The following DENND2C variants were observed in gnomAD, a reference collection of about 807,000 sequenced individuals.
DENND2C encodes the protein DENN domain-containing protein 2C.
DENND2C carries 72 observed loss-of-function variants against 112.4 expected under a neutral mutation model. The ratio of observed to expected loss-of-function variants is 0.64; its 90% confidence interval spans 0.53 to 0.78. DENND2C has a LOEUF of 0.78. DENND2C is among the 30% of genes least tolerant of loss of function. DENND2C has a pLI of 0.00. For missense variants in DENND2C, 992 were observed against 1,113.8 expected, an observed-to-expected ratio of 0.89 and a Z score of 1.56; for synonymous variants, 329 against 381.6, an observed-to-expected ratio of 0.86 and a Z score of 1.61.
intron 1 of DENND2C, among the ~76,000 whole-genome samples, chr1:114,666,205 C>G (rs1376991586): frequency 6.6e-6 from 1 of 152,148 alleles, no homozygotes; most frequent in Non-Finnish European, 1.5e-5. Context: ...TACTATTTTC[C>G]TACTCCAGGC....
At chr1:114,621,824 A>G in intron 7 of DENND2C, 71 bp downstream of exon 7, 1 of 1,529,052 alleles carries the variant, frequency 6.5e-7, no homozygotes, top group Non-Finnish European at 8.8e-7. Context: ...ATTTCGGTCT[A>G]AAGTTTACTT....
intron 1 of DENND2C, among the ~76,000 whole-genome samples, chr1:114,664,815 G>A (rs559204943): frequency 4.6e-5 from 7 of 151,242 alleles, no homozygotes; most frequent in African/African-American, 9.7e-5. Context: ...GGGTCAGGCC[G>A]GGTGTGGTGG....
chr1:114,592,185 C>T lies in DENND2C; in HGVS notation c.2431+2288G>A, dbSNP rs111485904. On this transcript the variant is annotated intron_variant, in intron 18 of 20. Transcript: ENST00000393274. ...TAGATGTGAGCCACCGTGCCCGGCC[C>T]TAGTATCATTTATTAAATGGTCCAT... is the stretch of plus-strand genomic sequence containing the variant. Among the ~76,000 whole-genome samples, 694 of 152,022 alleles carry T rather than the reference C, an allele frequency of 4.6e-3. 3 individuals are homozygous for T. The highest frequency in any genetic ancestry group is 0.014 in the Middle Eastern group (4 of 294).
At chr1:114,600,591 A>G (rs1205482660) in intron 14 of DENND2C, among the ~76,000 whole-genome samples, 1 of 152,200 alleles carries the variant, frequency 6.6e-6, no homozygotes, top group Non-Finnish European at 1.5e-5. Context: ...TGAAATTGTC[A>G]TTACAAAGGG....
intron 1 of DENND2C, among the ~76,000 whole-genome samples, chr1:114,663,559 G>T (rs935317318): frequency 1.3e-5 from 2 of 152,066 alleles, no homozygotes; most frequent in Non-Finnish European, 2.9e-5. Context: ...TCTAAACCAA[G>T]CTTACGAATT....
chr1:114,591,923 C>T (rs1481549688), intron 18 of DENND2C, among the ~76,000 whole-genome samples: 1 of 151,452 alleles, frequency 6.6e-6, no homozygotes, highest in Non-Finnish European at 1.5e-5. Flanking sequence ...CTTACTCTCT[C>T]ACCCAGGCAG....
intron 8 of DENND2C, among the ~76,000 whole-genome samples, 184 bp from the exon 9 acceptor site, chr1:114,611,301 A>C (rs553301994): frequency 6.6e-6 from 1 of 152,312 alleles, no homozygotes; most frequent in East Asian, 1.9e-4. Context: ...AAAAAGCTCA[A>C]AGAGGAAACT....
At chr1:114,609,687 T>C (rs949373900) in intron 9 of DENND2C, among the ~76,000 whole-genome samples, 1 of 152,220 alleles carries the variant, frequency 6.6e-6, no homozygotes, top group Non-Finnish European at 1.5e-5. Context: ...GATTTGCTTA[T>C]GTATAATTCC....
At chr1:114,655,883 A>ACATATATAT (rs1557960847) in intron 1 of DENND2C, among the ~76,000 whole-genome samples, 5 of 125,890 alleles carry the variant, frequency 4.0e-5, no homozygotes, top group African/African-American at 1.3e-4. Context: ...TATATGTATA[A>ACATATATAT]ATATATATAT....
At chr1:114,604,795 T>A in intron 11 of DENND2C, 127 bp downstream of exon 11, 1 of 668,324 alleles carries the variant, frequency 1.5e-6, no homozygotes, top group Admixed American at 2.9e-5. Flanking sequence ...CTTCCTTTCC[T>A]CCTACCACAT....
At position 114,642,018 on chromosome 1, in the gene DENND2C, T is replaced by C. The variant is rs1025215524; in HGVS notation, c.-205+3430A>G. Among the ~76,000 whole-genome samples the C allele has an allele frequency of 3.0e-4, 45 of 152,128 alleles. 2 individuals are homozygous for C. On this transcript the variant is annotated intron_variant, in intron 3 of 20. Transcript: ENST00000393274. ...CCTTGGCTGGAGTGAAGTGGCACAA[T>C]CTCAGCACACTGCAACCTCTGCCTC...
chr1:114,668,107 C>A (rs948632419), intron 1 of DENND2C, among the ~76,000 whole-genome samples: 1 of 152,164 alleles, frequency 6.6e-6, no homozygotes, highest in African/African-American at 2.4e-5. Context: ...TAAATATAAT[C>A]TTGTGCCTAT....
At chr1:114,589,904 ATTC>A (rs1225426724) in intron 18 of DENND2C, among the ~76,000 whole-genome samples, 1 of 152,150 alleles carries the variant, frequency 6.6e-6, no homozygotes, top group Non-Finnish European at 1.5e-5. Context: ...CTCCAATGGC[ATTC>A]TTCTTCTACT....
intron 3 of DENND2C, among the ~76,000 whole-genome samples, chr1:114,632,009 T>C (rs778060447): frequency 4.6e-5 from 7 of 152,156 alleles, no homozygotes; most frequent in African/African-American, 9.7e-5. Flanking sequence ...AATGAAAAAT[T>C]CACTGGATGT....
chr1:114,637,859 A>T (rs1212710301), intron 3 of DENND2C, among the ~76,000 whole-genome samples: 1 of 152,098 alleles, frequency 6.6e-6, no homozygotes, highest in African/African-American at 2.4e-5. Flanking sequence ...CTCAAAATTG[A>T]TCTACAGATT....
chr1:114,666,463 A>G (rs1307385893), intron 1 of DENND2C, among the ~76,000 whole-genome samples: 2 of 152,012 alleles, frequency 1.3e-5, no homozygotes, highest in African/African-American at 4.8e-5. Flanking sequence ...TCTGAATCAT[A>G]ACTTTTTTTT....
At chr1:114,612,351 A>ATT (rs376474647) in intron 8 of DENND2C, among the ~76,000 whole-genome samples, 427 of 139,152 alleles carry the variant, frequency 3.1e-3, no homozygotes, top group African/African-American at 5.5e-3. Context: ...GCAGTTATAA[A>ATT]TTTTTTTTTT....
At chr1:114,599,980 TG>T (rs34069473) in intron 15 of DENND2C, among the ~76,000 whole-genome samples, 1 of 73,860 alleles carries the variant, frequency 1.4e-5, no homozygotes, top group Admixed American at 1.6e-4. Flanking sequence ...GGTGGGGGGA[TG>T]GGGGGAGGGC....
At position 114,587,814 on chromosome 1, in the gene DENND2C, G is replaced by A. The variant is rs755306674; in HGVS notation, c.2570C>T (p.Thr857Ile). Residue 857 changes from threonine to isoleucine, a missense_variant, in exon 19 of 21, where the codon ACC becomes ATC. Thr to Ile is a moderately conservative substitution (Grantham distance 89). Transcript: ENST00000393274. ...FQREPFRKSH[T>I]SRSVRHFLDL... is the part of the protein sequence containing the mutation. ...CAGGAAGTGGCGTACACTTCGGGAG[G>A]TGTGGGACTTACGGAATGGTTCCCT... 6 of 1,614,084 alleles carry A rather than the reference G, an allele frequency of 3.7e-6. No individual in the cohort carries two copies. The highest frequency in any genetic ancestry group is 3.3e-5 in the South Asian group (3 of 91,082).
Sources: allele counts gnomAD v4.1 joint callset (sites outside exome capture counted in the v4.1 genomes callset), GRCh38; gene constraint gnomAD v4.1.1; transcripts MANE v1.5; gene names NCBI Gene and HGNC (gene_info 2026-07-23, HGNC 2026-07-21).